Variants in ARHGEF28 observed in about 807,000 individuals in gnomAD.
ARHGEF28 encodes Rho guanine nucleotide exchange factor 28.
A neutral mutation model predicts 206.6 loss-of-function variants in ARHGEF28; 152 were observed. The ratio of observed to expected loss-of-function variants is 0.74; its 90% confidence interval spans 0.64 to 0.84. ARHGEF28 has a LOEUF of 0.84. Among genes scored for constraint, ARHGEF28 ranks in the 40% least tolerant of loss-of-function variants. The probability of loss-of-function intolerance (pLI) is 0.00; values close to 1 mark genes in which losing one functional copy is unlikely to be tolerated. For synonymous variants in ARHGEF28, 763 were observed against 776.4 expected, an observed-to-expected ratio of 0.98 and a Z score of 0.29; for missense variants, 2,028 against 2,073.2, an observed-to-expected ratio of 0.98 and a Z score of 0.42.
At chr5:73,780,899 C>T (rs1476665275) in intron 7 of ARHGEF28, among the ~76,000 whole-genome samples, 154 bp downstream of exon 7, 4 of 152,114 alleles carry the variant, frequency 2.6e-5, no homozygotes, top group Non-Finnish European at 4.4e-5. Context: ...CCTGGGTCCT[C>T]GGACAGCATC....
intron 1 of ARHGEF28, among the ~76,000 whole-genome samples, chr5:73,661,494 T>C (rs570221995): frequency 6.6e-6 from 1 of 152,278 alleles, no homozygotes; most frequent in South Asian, 2.1e-4. Flanking sequence ...ACACCTTGAC[T>C]GTTTGGCACA....
chr5:73,856,245 G>A (rs774663355), intron 14 of ARHGEF28, among the ~76,000 whole-genome samples: 1 of 152,204 alleles, frequency 6.6e-6, no homozygotes, highest in Non-Finnish European at 1.5e-5. Context: ...ACTAGAGGTA[G>A]CATGGAAGTA....
intron 1 of ARHGEF28, among the ~76,000 whole-genome samples, chr5:73,642,423 G>T (rs1744176154): frequency 6.6e-6 from 1 of 152,074 alleles, no homozygotes; most frequent in East Asian, 1.9e-4. Flanking sequence ...TTGTTTTTTA[G>T]AGGAAAAGCT....
intron 6 of ARHGEF28, 57 bp from the exon 7 acceptor site, chr5:73,780,619 G>A (rs1242166966): frequency 6.7e-7 from 1 of 1,496,788 alleles, no homozygotes; most frequent in Non-Finnish European, 9.0e-7. Context: ...TTGTATATCT[G>A]GAACCTCAAA....
intron 2 of ARHGEF28, among the ~76,000 whole-genome samples, chr5:73,740,290 T>C (rs933094683): frequency 7.9e-5 from 12 of 152,112 alleles, no homozygotes; most frequent in Middle Eastern, 3.4e-3. Flanking sequence ...AATTAATCAA[T>C]CTAGAATTAT....
intron 26 of ARHGEF28, among the ~76,000 whole-genome samples, chr5:73,890,629 T>G (rs963990188): frequency 6.6e-6 from 1 of 152,180 alleles, no homozygotes; most frequent in African/African-American, 2.4e-5. Context: ...GGAGGTACTC[T>G]GGGTCACCAT....
At chr5:73,913,178 A>G (rs1762998683) in intron 35 of ARHGEF28, among the ~76,000 whole-genome samples, 1 of 152,202 alleles carries the variant, frequency 6.6e-6, no homozygotes, top group Non-Finnish European at 1.5e-5. Context: ...AAGAAATTGT[A>G]TGTCCAGAGT....
chr5:73,700,590 T>C (rs1371315464), intron 2 of ARHGEF28, among the ~76,000 whole-genome samples: 1 of 152,142 alleles, frequency 6.6e-6, no homozygotes, highest in African/African-American at 2.4e-5. Context: ...TGGTTAACAG[T>C]AAAGTATCGT....
rs1284633552 is a variant in ARHGEF28, at chr5:73,892,088, A to T, written c.3424A>T (p.Ile1142Phe). The change falls in exon 27 of 36, where the codon ATT (isoleucine) becomes TTT (phenylalanine). Residue 1142 changes from isoleucine to phenylalanine, a missense_variant. Ile to Phe is a conservative substitution (Grantham distance 21). This residue lies in a region of ARHGEF28 where 803 missense variants were observed against 768.0 expected (regional missense o/e 1.05). Coordinates refer to ENST00000513042, the MANE Select transcript of ARHGEF28 (RefSeq NM_001177693.2). ...ATCAGTTATTTCCCTTCAAAAGCTT[A>T]TTGCTAGAGAAGTTGCTAATGAGGA... is the stretch of plus-strand genomic sequence containing the variant. ...KPSVISLQKL[I>F]AREVANEERG... 1.2e-6 allele frequency: 2 copies of T among 1,601,308 alleles called. No homozygotes were observed. The highest frequency in any genetic ancestry group is 1.7e-6 in the Non-Finnish European group (2 of 1,173,324).
In ARHGEF28 at chr5:73,651,080, A is replaced by G. The variant is rs984880117; in HGVS notation, c.-12+24758A>G. ...TTAGGAAAATTAGAATGGGGGCTTG[A>G]ACTGGGTAAGATTTCGTGAGAACTC... On this transcript the variant is annotated intron_variant, in intron 1 of 35. Transcript: ENST00000513042. Among the ~76,000 whole-genome samples, 8 of 152,186 alleles carry G rather than the reference A, an allele frequency of 5.3e-5. 1 individual carries two copies. The highest frequency in any genetic ancestry group is 5.2e-4 in the Admixed American group (8 of 15,270).
At chr5:73,922,550 T>C (rs1461463573) in intron 35 of ARHGEF28, among the ~76,000 whole-genome samples, 1 of 152,246 alleles carries the variant, frequency 6.6e-6, no homozygotes, top group Non-Finnish European at 1.5e-5. Flanking sequence ...TGTTTAACTA[T>C]GATGGATTTT....
intron 9 of ARHGEF28, among the ~76,000 whole-genome samples, chr5:73,814,544 C>T (rs745642104): frequency 2.0e-4 from 30 of 152,000 alleles, no homozygotes; most frequent in Admixed American, 5.2e-4. Context: ...AATCCTTCCC[C>T]GTTCTTGTCT....
chr5:73,755,977 A>G (rs1243648445), intron 4 of ARHGEF28, among the ~76,000 whole-genome samples: 1 of 152,186 alleles, frequency 6.6e-6, no homozygotes, highest in Non-Finnish European at 1.5e-5. Context: ...GTTTCTTTTC[A>G]TAGTAAAACA....
At position 73,776,091 on chromosome 5, in the gene ARHGEF28, G is replaced by A. The variant is rs111267643; in HGVS notation, c.660-425G>A. On this transcript the variant is annotated intron_variant, in intron 5 of 35. Transcript: ENST00000513042. ...ATTTATGACATCCAAACCTCACCAT[G>A]TTCCCTGGAGATCATATCTGTTTTC... is the stretch of plus-strand genomic sequence containing the variant. Among the ~76,000 whole-genome samples, 423 of 152,278 alleles carry A rather than the reference G, an allele frequency of 2.8e-3. 1 individual carries two copies. Among genetic ancestry groups the A allele is most frequent in the African/African-American group, 9.0e-3 (374 of 41,568 alleles).
intron 1 of ARHGEF28, among the ~76,000 whole-genome samples, chr5:73,636,677 G>A (rs914927518): frequency 6.6e-6 from 1 of 152,184 alleles, no homozygotes; most frequent in African/African-American, 2.4e-5. Context: ...TGTAGCAAAG[G>A]TTGGACCAGA....
At chr5:73,836,113 A>G (rs890968329) in intron 10 of ARHGEF28, among the ~76,000 whole-genome samples, 4 of 152,146 alleles carry the variant, frequency 2.6e-5, no homozygotes, top group African/African-American at 9.7e-5. Context: ...TGAACATGGG[A>G]GTGCAGACAT....
intron 1 of ARHGEF28, among the ~76,000 whole-genome samples, chr5:73,655,379 A>G (rs1745124268): frequency 1.3e-5 from 2 of 152,160 alleles, no homozygotes; most frequent in African/African-American, 4.8e-5. Context: ...TTGAGAAATT[A>G]TTTCTACATA....
chr5:73,643,590 G>A (rs79954238), intron 1 of ARHGEF28, among the ~76,000 whole-genome samples: 4,243 of 152,136 alleles, frequency 0.028, 213 homozygotes, highest in African/African-American at 0.095. Context: ...CAAGGCAGGC[G>A]GATCGCTTGA....
intron 1 of ARHGEF28, among the ~76,000 whole-genome samples, chr5:73,659,647 G>A (rs968116211): frequency 5.9e-5 from 9 of 152,106 alleles, no homozygotes; most frequent in African/African-American, 2.2e-4. Flanking sequence ...TACTGATTAA[G>A]TAATGACCTT....
Sources: gnomAD v4.1 joint callset for allele counts (sites outside exome capture counted in the v4.1 genomes callset) on GRCh38, gnomAD v4.1.1 for gene constraint, gnomAD v4.1.1 regional missense constraint, MANE v1.5 for transcripts, NCBI Gene and HGNC (gene_info 2026-07-23, HGNC 2026-07-21) for gene names.